The following FAM120B variants were observed in gnomAD, a reference collection of about 807,000 sequenced individuals.
The protein encoded by FAM120B is constitutive coactivator of peroxisome proliferator-activated receptor gamma.
FAM120B carries 83 observed loss-of-function variants against 96.3 expected under a neutral mutation model. The observed-to-expected ratio is 0.86, with a 90% confidence interval of 0.72 to 1.03. The LOEUF (loss-of-function observed/expected upper bound fraction) is 1.03. FAM120B is among the 50% of genes least tolerant of loss of function. The pLI is 0.00. For synonymous variants in FAM120B, 407 were observed against 402.7 expected, an observed-to-expected ratio of 1.01 and a Z score of -0.13; for missense variants, 1,027 against 1,121.2, an observed-to-expected ratio of 0.92 and a Z score of 1.20.
intron 9 of FAM120B, among the ~76,000 whole-genome samples, chr6:170,401,006 G>T (rs1047753489): frequency 3.9e-5 from 6 of 152,238 alleles, no homozygotes; most frequent in Admixed American, 2.0e-4. Context: ...TGGATTGACA[G>T]GAAGCAGCTT....
chr6:170,307,206 G>A (rs1397565393), intron 1 of FAM120B, among the ~76,000 whole-genome samples: 1 of 152,142 alleles, frequency 6.6e-6, no homozygotes, highest in Non-Finnish European at 1.5e-5. Flanking sequence ...GTCATTTTTG[G>A]GTCAGAGCTG....
intron 6 of FAM120B, among the ~76,000 whole-genome samples, chr6:170,361,233 T>C (rs9460123): frequency 3.3e-4 from 40 of 120,134 alleles, no homozygotes; most frequent in Non-Finnish European, 5.0e-4. Context: ...TATATATATA[T>C]ATACACGTAT....
chr6:170,402,740 T>C (rs9460138), intron 9 of FAM120B, among the ~76,000 whole-genome samples: 110,907 of 152,162 alleles, frequency 0.73, 41,749 homozygotes, highest in Non-Finnish European at 0.78. Flanking sequence ...AGGAATGATT[T>C]GGAACTCGAA....
intron 6 of FAM120B, among the ~76,000 whole-genome samples, chr6:170,378,236 C>A (rs1442858416): frequency 6.6e-6 from 1 of 152,160 alleles, no homozygotes; most frequent in Non-Finnish European, 1.5e-5. Flanking sequence ...CTTTAGCATA[C>A]CCAGAATAGC....
chr6:170,309,427 C>T (rs1784469113), intron 1 of FAM120B, among the ~76,000 whole-genome samples: 1 of 152,096 alleles, frequency 6.6e-6, no homozygotes, highest in Admixed American at 6.5e-5. Flanking sequence ...ATCAGGGCCT[C>T]CCTTAGCCAA....
At chr6:170,325,295 A>G (rs537872256) in intron 3 of FAM120B, among the ~76,000 whole-genome samples, 2 of 152,194 alleles carry the variant, frequency 1.3e-5, no homozygotes, top group Admixed American at 1.3e-4. Context: ...CTTTTAAACT[A>G]TTTCTTAACA....
intron 7 of FAM120B, 45 bp downstream of exon 7, chr6:170,388,538 C>A: frequency 1.3e-6 from 2 of 1,510,460 alleles, no homozygotes; most frequent in Non-Finnish European, 1.8e-6. Context: ...ATCCCTGTAG[C>A]TCCAGGCTGC....
At chr6:170,293,494 T>G (rs1783930441), upstream of FAM120B, among the ~76,000 whole-genome samples, 1 of 152,132 alleles carries the variant, frequency 6.6e-6, no homozygotes, top group African/African-American at 2.4e-5. Context: ...ATGGCACAGA[T>G]TTCTCGATTA....
chr6:170,342,483 A>G (rs1215834913), intron 4 of FAM120B, among the ~76,000 whole-genome samples: 1 of 152,240 alleles, frequency 6.6e-6, no homozygotes, highest in African/African-American at 2.4e-5. Flanking sequence ...CTTAGCGTCC[A>G]GCATGCCTTT....
chr6:170,395,622 A>T (rs1790688462), intron 9 of FAM120B, 43 bp downstream of exon 9: 1 of 1,371,712 alleles, frequency 7.3e-7, no homozygotes, highest in Admixed American at 1.9e-5. Context: ...CCTGCATGGC[A>T]CTGCCTCTCA....
chr6:170,329,040 C>G (rs1403388940), intron 3 of FAM120B, among the ~76,000 whole-genome samples: 1 of 152,232 alleles, frequency 6.6e-6, no homozygotes, highest in Non-Finnish European at 1.5e-5. Flanking sequence ...GTGGTGGAAG[C>G]TCCACTGTCT....
At chr6:170,331,851 A>G (rs1409089182) in intron 4 of FAM120B, among the ~76,000 whole-genome samples, 1 of 152,250 alleles carries the variant, frequency 6.6e-6, no homozygotes, top group African/African-American at 2.4e-5. Context: ...AAGCGTGTGT[A>G]TAGCACCTTG....
intron 1 of FAM120B, among the ~76,000 whole-genome samples, chr6:170,298,606 C>A (rs1363772508): frequency 2.6e-5 from 4 of 151,464 alleles, no homozygotes; most frequent in Non-Finnish European, 2.9e-5. Flanking sequence ...CATGATCATA[C>A]AATGCCTTCA....
At chr6:170,378,295 C>T (rs181815942) in intron 6 of FAM120B, among the ~76,000 whole-genome samples, 54 of 152,184 alleles carry the variant, frequency 3.5e-4, no homozygotes, top group Admixed American at 1.1e-3. Flanking sequence ...TCTTTAACCC[C>T]GAGCAGTTTC....
intron 4 of FAM120B, among the ~76,000 whole-genome samples, chr6:170,337,678 C>T (rs1332238593): frequency 1.3e-5 from 2 of 151,912 alleles, no homozygotes; most frequent in African/African-American, 4.8e-5. Flanking sequence ...TTTTTGGTTG[C>T]TAGGCTATTA....
At chr6:170,352,137 A>G (rs1246428344) in intron 5 of FAM120B, among the ~76,000 whole-genome samples, 1 of 152,250 alleles carries the variant, frequency 6.6e-6, no homozygotes, top group Admixed American at 6.5e-5. Context: ...AGAGGTTGCA[A>G]TCCTAGTTTC....
intron 7 of FAM120B, among the ~76,000 whole-genome samples, chr6:170,389,524 T>C (rs763229408): frequency 4.6e-5 from 7 of 152,054 alleles, no homozygotes; most frequent in Non-Finnish European, 7.4e-5. Context: ...CTCTCCCCAT[T>C]TCTCACACAC....
chr6:170,300,050 CTTT>C, intron 1 of FAM120B, among the ~76,000 whole-genome samples: 1 of 150,436 alleles, frequency 6.6e-6, no homozygotes, highest in East Asian at 1.9e-4. Flanking sequence ...ATGGTTTTGG[CTTT>C]TTGTCTTTCC....
upstream of FAM120B, among the ~76,000 whole-genome samples, chr6:170,303,291 G>A (rs1308815539): frequency 6.6e-6 from 1 of 152,164 alleles, no homozygotes; most frequent in Non-Finnish European, 1.5e-5. Context: ...CCAGGCTGGA[G>A]TGTGGTGGCA....
Sources: allele counts gnomAD v4.1 joint callset (sites outside exome capture counted in the v4.1 genomes callset), GRCh38; gene constraint gnomAD v4.1.1; transcripts MANE v1.5; gene names NCBI Gene and HGNC (gene_info 2026-07-23, HGNC 2026-07-21).